Variants in TSPEAR observed in about 807,000 individuals in gnomAD.
TSPEAR encodes the protein thrombospondin type laminin G domain and EAR repeats.
In TSPEAR, 69 loss-of-function variants were observed where a neutral mutation model predicts 71.6. That is an observed-to-expected ratio of 0.96 (90% CI 0.79 to 1.18). The LOEUF (loss-of-function observed/expected upper bound fraction) is 1.18, where lower values mean the gene tolerates loss of function less well. Among genes scored for constraint, TSPEAR ranks in the 50% most tolerant of loss-of-function variants. The probability of loss-of-function intolerance (pLI) is 0.00; values close to 1 mark genes in which losing one functional copy is unlikely to be tolerated. For synonymous variants in TSPEAR, 402 were observed against 387.2 expected, an observed-to-expected ratio of 1.04 and a Z score of -0.45; for missense variants, 971 against 894.9, an observed-to-expected ratio of 1.09 and a Z score of -1.09.
chr21:44,676,869 G>T, intron 1 of TSPEAR: 1 of 924,748 alleles, frequency 1.1e-6, no homozygotes, highest in Non-Finnish European at 1.8e-6. Context: ...GCTTTTCTGT[G>T]GCCTTCTGTT....
intron 1 of TSPEAR, among the ~76,000 whole-genome samples, chr21:44,682,989 A>G (rs1174500801): frequency 6.6e-6 from 1 of 152,310 alleles, no homozygotes; most frequent in South Asian, 2.1e-4. Context: ...CAGGCTCACC[A>G]GAGAGAAGCT....
intron 5 of TSPEAR, 112 bp downstream of exon 5, chr21:44,529,686 G>C: frequency 8.1e-7 from 1 of 1,233,836 alleles, no homozygotes; most frequent in African/African-American, 1.5e-5. Context: ...CAGTGATGAG[G>C]GGGGCAGGCA....
intron 1 of TSPEAR, among the ~76,000 whole-genome samples, chr21:44,579,224 A>G (rs1400353281): frequency 6.6e-6 from 1 of 152,126 alleles, no homozygotes; most frequent in African/African-American, 2.4e-5. Flanking sequence ...CCCACAGCCC[A>G]GGGCACGGCA....
chr21:44,532,061 C>T (rs587611254), intron 3 of TSPEAR, among the ~76,000 whole-genome samples: 94 of 152,354 alleles, frequency 6.2e-4, no homozygotes, highest in African/African-American at 2.1e-3. Context: ...GCACACAGCT[C>T]GGCCTCTGCT....
intron 9 of TSPEAR, among the ~76,000 whole-genome samples, chr21:44,521,615 GC>G (rs2052736240): frequency 6.6e-6 from 1 of 152,254 alleles, no homozygotes; most frequent in South Asian, 2.1e-4. Flanking sequence ...GTGGGGCAGA[GC>G]CAGGGTGCGC....
intron 9 of TSPEAR, among the ~76,000 whole-genome samples, chr21:44,513,027 C>T (rs587758089): frequency 7.9e-5 from 12 of 152,330 alleles, no homozygotes; most frequent in South Asian, 6.2e-4. Flanking sequence ...TTTCAGACAA[C>T]GAATGATTCT....
chr21:44,646,123 T>TAAAAA (rs1555939544), intron 1 of TSPEAR, among the ~76,000 whole-genome samples: 1 of 5,658 alleles, frequency 1.8e-4, no homozygotes. Flanking sequence ...AGACTCCCTC[T>TAAAAA]CAAAAAAAAA....
rs1383397316 is a variant in TSPEAR at position 44,579,653 on chromosome 21, C to T, written c.83-11648G>A. 5 of 1,398,236 alleles carry T rather than the reference C, an allele frequency of 3.6e-6. No homozygotes were observed. In the African/African-American group the frequency reaches 4.4e-5, roughly 12 times the overall value. The allele number at this position is 1,398,236 out of a possible 1,614,324, so 86.6% of individuals were successfully genotyped here. A position where few individuals can be genotyped will look rare whatever the true frequency, so the allele number is the denominator to read the frequency against. On this transcript the variant is annotated intron_variant, in intron 1 of 11. Coordinates refer to ENST00000323084, the MANE Select transcript of TSPEAR (RefSeq NM_144991.3). ...AGTATGGAGGGGGGGGTCACCTCAG[C>T]ACATGGGGGCCCCGTCCCAAGCGGG... is the stretch of plus-strand genomic sequence containing the variant.
At chr21:44,594,817 C>G (rs1980249545) in intron 1 of TSPEAR, among the ~76,000 whole-genome samples, 1 of 121,810 alleles carries the variant, frequency 8.2e-6, no homozygotes, top group African/African-American at 3.6e-5. Flanking sequence ...ACTTACGGAT[C>G]TGTGATTTTT....
At chr21:44,651,247 C>A (rs189713429) in intron 1 of TSPEAR, among the ~76,000 whole-genome samples, 1 of 152,208 alleles carries the variant, frequency 6.6e-6, no homozygotes, top group African/African-American at 2.4e-5. Flanking sequence ...TCTCTCCTCC[C>A]CTTTTCTTCT....
rs373886218 is a variant in TSPEAR at position 44,669,014 on chromosome 21, TGAA to T, written c.82+42416_82+42418del. Among the ~76,000 whole-genome samples, 1,199 of 152,224 alleles carry T rather than the reference TGAA, an allele frequency of 7.9e-3. 19 individuals carry two copies. Among genetic ancestry groups the T allele is most frequent in the African/African-American group, 0.028 (1,149 of 41,504 alleles). On this transcript the variant is annotated intron_variant, in intron 1 of 11. Coordinates refer to ENST00000323084, the MANE Select transcript of TSPEAR (RefSeq NM_144991.3). ...GATAGACGTAAATATAGAATGAGATTGAAGAAGAGTTCATGAACTTGAAGCACA... is the reference window on the plus strand; with the variant it reads ...GATAGACGTAAATATAGAATGAGATTGAAGAGTTCATGAACTTGAAGCACA...
chr21:44,616,796 C>T (rs1185849219), intron 1 of TSPEAR, among the ~76,000 whole-genome samples: 1 of 152,254 alleles, frequency 6.6e-6, no homozygotes, highest in Non-Finnish European at 1.5e-5. Flanking sequence ...AGCCCTAAGG[C>T]AGCACGTGCC....
At chr21:44,646,441 C>T (rs782582957) in intron 1 of TSPEAR, 1 of 1,592,394 alleles carries the variant, frequency 6.3e-7, no homozygotes, top group South Asian at 1.2e-5. Context: ...CCCCAGCTCA[C>T]CTCCTCCCCA....
intron 1 of TSPEAR, among the ~76,000 whole-genome samples, chr21:44,594,821 G>GTTTTT (rs1980249759): frequency 2.3e-5 from 2 of 88,724 alleles, no homozygotes; most frequent in African/African-American, 1.3e-4. Flanking sequence ...ACGGATCTGT[G>GTTTTT]ATTTTTTTTT....
At chr21:44,590,812 T>C (rs1555926390) in intron 1 of TSPEAR, among the ~76,000 whole-genome samples, 1 of 151,994 alleles carries the variant, frequency 6.6e-6, no homozygotes, top group Admixed American at 6.5e-5. Context: ...ACTCCTGGCC[T>C]TGGTTCCAGA....
intron 2 of TSPEAR, among the ~76,000 whole-genome samples, chr21:44,545,154 C>T (rs373144677): frequency 3.7e-4 from 57 of 152,008 alleles, no homozygotes; most frequent in African/African-American, 1.3e-3. Flanking sequence ...CCCGTCTCTA[C>T]TAAAAATACA....
rs1238260244 is a variant in TSPEAR at position 44,711,494 on chromosome 21, C to CA, written c.20dup (p.Cys8ValfsTer35). 1.4e-5 allele frequency: 23 copies of CA among 1,611,918 alleles called. No homozygotes were observed. Among genetic ancestry groups the CA allele is most frequent in the Non-Finnish European group, 1.9e-5 (22 of 1,179,468 alleles). ...GGGCCGCCAGGGGCAGCACAAAACA[C>CA]AGACTCAGCAGGGCAGACATGAGGG... On this transcript the variant is annotated frameshift_variant, in exon 1 of 12. Transcript: ENST00000323084. LOFTEE classifies it high-confidence loss of function. This position sits in a 1 kb window ranked among gnomAD's most constrained non-coding sequence, Gnocchi z 4.5.
At chr21:44,603,797 G>T (rs587600857) in intron 1 of TSPEAR, among the ~76,000 whole-genome samples, 3 of 152,184 alleles carry the variant, frequency 2.0e-5, no homozygotes, top group African/African-American at 7.2e-5. Flanking sequence ...AATGCCTACC[G>T]CCATCCCTGG....
chr21:44,540,312 T>G, intron 2 of TSPEAR: 2 of 1,216,334 alleles, frequency 1.6e-6, no homozygotes, highest in South Asian at 1.5e-5. Context: ...CAGCGTCCCC[T>G]TCCTGGTTGC....
Sources: gnomAD v4.1 joint callset for allele counts (sites outside exome capture counted in the v4.1 genomes callset) on GRCh38, gnomAD v4.1.1 for gene constraint, Gnocchi (gnomAD v3.1) non-coding constraint, MANE v1.5 for transcripts, NCBI Gene and HGNC (gene_info 2026-07-23, HGNC 2026-07-21) for gene names.